BTBD7: variants seen among roughly 807,000 people sequenced by gnomAD.
BTBD7 encodes BTB/POZ domain-containing protein 7.
BTBD7 carries 38 observed loss-of-function variants against 99.9 expected under a neutral mutation model. That is an observed-to-expected ratio of 0.38 (90% CI 0.29 to 0.50). The LOEUF (loss-of-function observed/expected upper bound fraction) is 0.50. Ranked by LOEUF, BTBD7 falls within the 20% of genes least tolerant of loss-of-function variation. BTBD7 has a pLI of 0.93. For missense variants in BTBD7, 1,170 were observed against 1,394.6 expected, an observed-to-expected ratio of 0.84 and a Z score of 2.57; for synonymous variants, 520 against 511.4, an observed-to-expected ratio of 1.02 and a Z score of -0.23.
At chr14:93,284,842 C>G (rs1231880343) in intron 3 of BTBD7, among the ~76,000 whole-genome samples, 2 of 151,692 alleles carry the variant, frequency 1.3e-5, no homozygotes, top group African/African-American at 4.8e-5. Context: ...CAAAATACCC[C>G]CCAGACAAAT....
chr14:93,261,179 A>C (rs2052485832), intron 5 of BTBD7, among the ~76,000 whole-genome samples: 1 of 152,226 alleles, frequency 6.6e-6, no homozygotes, highest in African/African-American at 2.4e-5. Flanking sequence ...ATAACACAAA[A>C]TTTATTTAAA....
At chr14:93,289,907 A>AGTG (rs2052827498) in intron 3 of BTBD7, among the ~76,000 whole-genome samples, 1 of 126,076 alleles carries the variant, frequency 7.9e-6, no homozygotes, top group Non-Finnish European at 1.6e-5. Context: ...CCAGGCTTGG[A>AGTG]GTGCAGTGCT....
At chr14:93,323,497 A>G (rs1018279238) in intron 1 of BTBD7, among the ~76,000 whole-genome samples, 3 of 152,220 alleles carry the variant, frequency 2.0e-5, no homozygotes, top group Non-Finnish European at 4.4e-5. Context: ...CTTTCTGCTT[A>G]CAAGAAAATT....
Position 93,276,871 on chromosome 14 carries a change from G to GAC in BTBD7, c.1163-12880_1163-12879dup, listed in dbSNP as rs140043990. Among the ~76,000 whole-genome samples the GAC allele has an allele frequency of 2.7e-4, 40 of 146,076 alleles. 1 individual carries two copies. The South Asian group carries it at 4.2e-3, about 15-fold the overall frequency. On this transcript the variant is annotated intron_variant, in intron 3 of 10. Coordinates refer to ENST00000334746, the MANE Select transcript of BTBD7 (RefSeq NM_001002860.4). ...CATGAACGATTTCTCTTCAAGCCACGACACACACACACACAGATTAATTTT... is the reference window on the plus strand; with the variant it reads ...CATGAACGATTTCTCTTCAAGCCACGACACACACACACACACAGATTAATTTT...
chr14:93,301,914 G>C (rs903309882), intron 1 of BTBD7, among the ~76,000 whole-genome samples: 1 of 152,210 alleles, frequency 6.6e-6, no homozygotes, highest in Non-Finnish European at 1.5e-5. Context: ...GAGACAGACA[G>C]CAGAGCCTGG....
chr14:93,288,877 G>C (rs2052812544), intron 3 of BTBD7: 7 of 988,042 alleles, frequency 7.1e-6, no homozygotes, highest in African/African-American at 1.6e-5. Flanking sequence ...TATTACAGCA[G>C]GGGTTAAGGA....
intron 10 of BTBD7, 45 bp downstream of exon 10, chr14:93,245,780 C>A: frequency 6.4e-7 from 1 of 1,570,072 alleles, no homozygotes. Context: ...GCTTCTAATT[C>A]TCCATAAACC....
intron 1 of BTBD7, among the ~76,000 whole-genome samples, chr14:93,313,946 A>G (rs999723723): frequency 3.3e-5 from 5 of 151,388 alleles, no homozygotes; most frequent in African/African-American, 4.9e-5. Flanking sequence ...GGGTCTCACT[A>G]TGTTGCCCAG....
At chr14:93,277,091 A>AG (rs1214019382) in intron 3 of BTBD7, among the ~76,000 whole-genome samples, 1 of 151,784 alleles carries the variant, frequency 6.6e-6, no homozygotes, top group Non-Finnish European at 1.5e-5. Flanking sequence ...TAGTAGAGAC[A>AG]GGGTTTCACC....
intron 1 of BTBD7, among the ~76,000 whole-genome samples, chr14:93,307,333 T>C (rs1333745753): frequency 2.0e-5 from 3 of 152,080 alleles, no homozygotes; most frequent in Non-Finnish European, 4.4e-5. Context: ...ACATTTTTTT[T>C]CTGTAGAGAC....
rs187982732 is a variant in BTBD7 at position 93,327,254 on chromosome 14, T to G, written c.-107+5566A>C. On this transcript the variant is annotated intron_variant, in intron 1 of 10. Transcript: ENST00000334746. The stretch of plus-strand genomic sequence containing the variant: ...TTTACTTTACTGGGTTAAACCTTAC[T>G]CTTCTGCTTCTTGATTCAATTAGCA... 1.9e-3 allele frequency among the ~76,000 whole-genome samples: 284 copies of G among 152,350 alleles called. 5 individuals are homozygous for G. Among genetic ancestry groups the G allele is most frequent in the East Asian group, 0.017 (90 of 5,190 alleles).
At chr14:93,309,031 C>T (rs1345299780) in intron 1 of BTBD7, among the ~76,000 whole-genome samples, 2 of 152,056 alleles carry the variant, frequency 1.3e-5, no homozygotes, top group South Asian at 2.1e-4. Context: ...AAAAACCTCA[C>T]AAAAAAACAT....
rs555463968 is a variant in BTBD7 at position 93,245,882 on chromosome 14, G to A, written c.2526C>T (p.Ala842=). The change falls in exon 10 of 11, where the codon GCC becomes GCT. Residue 842 remains alanine, a synonymous_variant. Coordinates refer to ENST00000334746, the MANE Select transcript of BTBD7 (RefSeq NM_001002860.4). ...CTGTTGCTGTTGAGGTGGTGGTGGC[G>A]GCAGCAGCAGCCACCGTCTGTCTGC... ...GLGRQTVAAA[A]ATTTSTATAA... 2.1e-5 allele frequency: 34 copies of A among 1,612,854 alleles called. No homozygotes were observed. The highest frequency in any genetic ancestry group is 1.7e-4 in the Middle Eastern group (1 of 6,046).
rs920921499 is a variant in BTBD7, at chr14:93,239,226, A to G, written c.*3047T>C. ...CAATAACATAAGAAAAAAGACCAAC[A>G]GCATCTTTAAGAAACTTGAACGTCC... On this transcript the variant is annotated 3_prime_UTR_variant, in exon 11 of 11. Transcript: ENST00000334746. The G allele has an allele frequency of 3.3e-5, 5 of 152,646 alleles. No homozygotes were observed. The highest frequency in any genetic ancestry group is 3.3e-4 in the Admixed American group (5 of 15,292). 9.5% of individuals were successfully genotyped at this position (152,646 alleles called of 1,614,324 possible). A position where few individuals can be genotyped will look rare whatever the true frequency, so the allele number is the denominator to read the frequency against.
At position 93,246,299 on chromosome 14, in the gene BTBD7, A is replaced by T. The variant is rs775861269; in HGVS notation, c.2122-13T>A. On this transcript the variant is annotated splice_polypyrimidine_tract_variant and intron_variant, in intron 9 of 10. Transcript: ENST00000334746. ...ATTTGTGAGGATTCTAAAAAAGATT[A>T]AAAAAAAAAAAAAAGGACATTTATT... The T allele has an allele frequency of 6.2e-5, 3 of 48,250 alleles. No individual in the cohort carries two copies. The highest frequency in any genetic ancestry group is 4.0e-4 in the Admixed American group (1 of 2,530). The allele number at this position is 48,250 out of a possible 1,614,324, so 3.0% of individuals were successfully genotyped here. A position where few individuals can be genotyped will look rare whatever the true frequency, so the allele number is the denominator to read the frequency against.
intron 8 of BTBD7, among the ~76,000 whole-genome samples, chr14:93,251,246 C>G (rs2052364459): frequency 6.6e-6 from 1 of 152,090 alleles, no homozygotes; most frequent in Non-Finnish European, 1.5e-5. Flanking sequence ...CTGAGAAACT[C>G]AAGGGTAAAC....
intron 1 of BTBD7, among the ~76,000 whole-genome samples, chr14:93,304,140 A>G (rs1036587925): frequency 1.3e-5 from 2 of 152,238 alleles, no homozygotes; most frequent in African/African-American, 4.8e-5. Flanking sequence ...ATCAACTCTC[A>G]TAAGGTGATG....
chr14:93,301,883 C>T (rs1202628675), intron 1 of BTBD7, among the ~76,000 whole-genome samples: 1 of 152,150 alleles, frequency 6.6e-6, no homozygotes, highest in East Asian at 1.9e-4. Flanking sequence ...GGGGCTTGTC[C>T]TACTGTGCTA....
rs1205179191 is a variant in BTBD7, at chr14:93,239,593, A to G, written c.*2680T>C. On this transcript the variant is annotated 3_prime_UTR_variant, in exon 11 of 11. Coordinates refer to ENST00000334746, the MANE Select transcript of BTBD7 (RefSeq NM_001002860.4). ...CTAGTAACCATACTTCACAAGATACATTAAAAGTCCACTAACACCTAACCT... is the reference window on the plus strand; with the variant it reads ...CTAGTAACCATACTTCACAAGATACGTTAAAAGTCCACTAACACCTAACCT... 1 of 152,532 alleles carries G rather than the reference A, an allele frequency of 6.6e-6. No homozygotes were observed. The highest frequency in any genetic ancestry group is 2.4e-5 in the African/African-American group (1 of 41,420). 9.4% of individuals were successfully genotyped at this position (152,532 alleles called of 1,614,324 possible). A position where few individuals can be genotyped will look rare whatever the true frequency, so the allele number is the denominator to read the frequency against.
Sources: allele counts gnomAD v4.1 joint callset (sites outside exome capture counted in the v4.1 genomes callset), GRCh38; gene constraint gnomAD v4.1.1; transcripts MANE v1.5; gene names NCBI Gene and HGNC (gene_info 2026-07-23, HGNC 2026-07-21).